CACNB2: variants seen among roughly 807,000 people sequenced by gnomAD.
The protein encoded by CACNB2 is voltage-dependent L-type calcium channel subunit beta-2.
CACNB2 carries 42 observed loss-of-function variants against 73.3 expected under a neutral mutation model. That is an observed-to-expected ratio of 0.57 (90% CI 0.45 to 0.74). The LOEUF (loss-of-function observed/expected upper bound fraction) is 0.74. Ranked by LOEUF, CACNB2 falls within the 30% of genes least tolerant of loss-of-function variation. The pLI is 0.00. For missense variants in CACNB2, 940 were observed against 853.0 expected (o/e 1.10, Z -1.27); for synonymous variants, 348 against 310.3 (o/e 1.12, Z -1.28).
rs1443658401 is a variant in CACNB2 at position 18,489,896 on chromosome 10, G to A, written c.334-8459G>A. Among the ~76,000 whole-genome samples the A allele has an allele frequency of 1.6e-4, 25 of 152,158 alleles. 1 individual carries two copies. The East Asian group carries it at 3.5e-3, about 21-fold the overall frequency. On this transcript the variant is annotated intron_variant, in intron 3 of 13. Coordinates refer to ENST00000324631, the MANE Select transcript of CACNB2 (RefSeq NM_201596.3). Reference sequence around the variant, plus strand: ...CTTGGTGTTTTAGTTTCGGTTTTTTGAGACAGGGTCTCTCTCTGTTGCCCA... The same window carrying A: ...CTTGGTGTTTTAGTTTCGGTTTTTTAAGACAGGGTCTCTCTCTGTTGCCCA...
chr10:18,192,428 G>A (rs543722872), intron 2 of CACNB2, among the ~76,000 whole-genome samples: 1 of 152,180 alleles, frequency 6.6e-6, no homozygotes, highest in East Asian at 1.9e-4. Context: ...GCTGACTGTA[G>A]CCGCCAACTC....
intron 2 of CACNB2, 128 bp downstream of exon 2, chr10:18,151,103 C>T (rs933575769): frequency 3.7e-5 from 27 of 725,318 alleles, no homozygotes; most frequent in South Asian, 1.3e-4. Flanking sequence ...GAAGTGAAGA[C>T]GGTGCTGTTT....
intron 2 of CACNB2, among the ~76,000 whole-genome samples, chr10:18,198,306 A>G (rs2034718662): frequency 6.6e-6 from 1 of 151,882 alleles, no homozygotes; most frequent in South Asian, 2.1e-4. Flanking sequence ...TATGTTCCCA[A>G]CAGTACCCCA....
At chr10:18,297,447 A>G (rs2039323735) in intron 2 of CACNB2, among the ~76,000 whole-genome samples, 1 of 152,124 alleles carries the variant, frequency 6.6e-6, no homozygotes, top group African/African-American at 2.4e-5. Context: ...AGTTCCAGCT[A>G]CTCAGGAGGC....
At chr10:18,419,562 C>T (rs1420537471) in intron 3 of CACNB2, among the ~76,000 whole-genome samples, 1 of 152,086 alleles carries the variant, frequency 6.6e-6, no homozygotes, top group African/African-American at 2.4e-5. Flanking sequence ...TGAGTCAGGA[C>T]CCTCTTATTC....
chr10:18,313,783 G>A (rs961973393), intron 2 of CACNB2, among the ~76,000 whole-genome samples: 6 of 152,216 alleles, frequency 3.9e-5, no homozygotes, highest in Non-Finnish European at 1.5e-5. Context: ...GAGAATTGCA[G>A]ATGTATTCCA....
chr10:18,463,313 C>T (rs2132691497), intron 3 of CACNB2, among the ~76,000 whole-genome samples: 1 of 152,056 alleles, frequency 6.6e-6, no homozygotes, highest in East Asian at 1.9e-4. Flanking sequence ...CATTTGAGCC[C>T]AGGAGTTCAA....
At position 18,140,770 on chromosome 10, in the gene CACNB2, A is replaced by C; in HGVS notation, c.34A>C (p.Thr12Pro). The change falls in exon 1 of 14, where the codon ACA becomes CCA. Residue 12 changes from threonine to proline, a missense_variant. Transcript: ENST00000324631. ...AAGGGACATGTCCAAGTCGCCTCCC[A>C]CAGCGGCGGCGGCGGTGGCGCAGGA... is the stretch of plus-strand genomic sequence containing the variant. Reference protein sequence around the residue: ...VQRDMSKSPPTAAAAVAQEIQ... With the variant: ...VQRDMSKSPPPAAAAVAQEIQ... The C allele has an allele frequency of 6.3e-7, 1 of 1,597,768 alleles. No individual in the cohort carries two copies. Among genetic ancestry groups the C allele is most frequent in the Non-Finnish European group, 8.5e-7 (1 of 1,173,792 alleles).
chr10:18,364,908 T>A (rs1024468985), intron 2 of CACNB2, among the ~76,000 whole-genome samples: 3 of 152,246 alleles, frequency 2.0e-5, no homozygotes, highest in Non-Finnish European at 4.4e-5. Flanking sequence ...TAAAGAATTA[T>A]CATAAAATCC....
chr10:18,425,622 T>C (rs901848053), intron 3 of CACNB2, among the ~76,000 whole-genome samples: 1 of 152,080 alleles, frequency 6.6e-6, no homozygotes, highest in African/African-American at 2.4e-5. Context: ...GAGCCGACAT[T>C]GGACCACTGC....
intron 2 of CACNB2, among the ~76,000 whole-genome samples, chr10:18,181,423 G>C (rs1251892965): frequency 6.6e-6 from 1 of 151,984 alleles, no homozygotes; most frequent in African/African-American, 2.4e-5. Context: ...AAACCTCTCT[G>C]CCCGTAAGGA....
At chr10:18,205,824 G>T (rs910423842) in intron 2 of CACNB2, among the ~76,000 whole-genome samples, 1 of 152,100 alleles carries the variant, frequency 6.6e-6, no homozygotes, top group Non-Finnish European at 1.5e-5. Context: ...CAGAAGTCAA[G>T]GAGGCAAAGA....
At chr10:18,217,487 A>G (rs1160061837) in intron 2 of CACNB2, among the ~76,000 whole-genome samples, 1 of 152,118 alleles carries the variant, frequency 6.6e-6, no homozygotes, top group Non-Finnish European at 1.5e-5. Context: ...CCATCTCAAA[A>G]TAAAGAAAGG....
chr10:18,308,489 G>A (rs796464863), intron 2 of CACNB2, among the ~76,000 whole-genome samples: 6 of 152,284 alleles, frequency 3.9e-5, no homozygotes, highest in African/African-American at 1.4e-4. Flanking sequence ...GGACCCTGGT[G>A]TCTGTGTTCC....
chr10:18,533,688 T>C (rs1025155371), intron 10 of CACNB2, among the ~76,000 whole-genome samples: 27 of 152,222 alleles, frequency 1.8e-4, no homozygotes, highest in African/African-American at 6.5e-4. Context: ...AAGGAAAACC[T>C]GTCATGGTTG....
At chr10:18,255,539 G>A (rs1274957065) in intron 2 of CACNB2, among the ~76,000 whole-genome samples, 1 of 152,182 alleles carries the variant, frequency 6.6e-6, no homozygotes, top group African/African-American at 2.4e-5. Context: ...TTGAAGGCAA[G>A]GACATTGGTT....
At chr10:18,153,490 T>A (rs2031773327) in intron 2 of CACNB2, among the ~76,000 whole-genome samples, 1 of 152,002 alleles carries the variant, frequency 6.6e-6, no homozygotes, top group Non-Finnish European at 1.5e-5. Flanking sequence ...AGCCAGATAT[T>A]TAATAGAAAT....
In CACNB2 at chr10:18,254,001, G is replaced by T. The variant is rs2037184963; in HGVS notation, c.213+103026G>T. ...CATCATACGAAGCTGAGGGATATAG[G>T]TTGAGGAAGAGAGAGTCAGGAACTC... On this transcript the variant is annotated intron_variant, in intron 2 of 13. Transcript: ENST00000324631. 1.3e-5 allele frequency among the ~76,000 whole-genome samples: 2 copies of T among 152,202 alleles called. 1 individual carries two copies. Among genetic ancestry groups the T allele is most frequent in the Non-Finnish European group, 2.9e-5 (2 of 68,046 alleles).
chr10:18,269,587 GCA>G (rs2037960909), intron 2 of CACNB2, among the ~76,000 whole-genome samples: 1 of 152,116 alleles, frequency 6.6e-6, no homozygotes, highest in Non-Finnish European at 1.5e-5. Context: ...AAACTTTTCT[GCA>G]CATACGCTGA....
Sources: gnomAD v4.1 joint callset for allele counts (sites outside exome capture counted in the v4.1 genomes callset) on GRCh38, gnomAD v4.1.1 for gene constraint, MANE v1.5 for transcripts, NCBI Gene and HGNC (gene_info 2026-07-23, HGNC 2026-07-21) for gene names.